The following PPP4C variants were observed in gnomAD, a reference collection of about 807,000 sequenced individuals.
The protein encoded by PPP4C is protein phosphatase 4 catalytic subunit, also known as serine/threonine-protein phosphatase 4 catalytic subunit.
A neutral mutation model predicts 40.5 loss-of-function variants in PPP4C; 10 were observed. That is an observed-to-expected ratio of 0.25 (90% CI 0.15 to 0.42). The LOEUF (loss-of-function observed/expected upper bound fraction) is 0.42, where lower values mean the gene tolerates loss of function less well. PPP4C is among the 10% of genes least tolerant of loss of function. The pLI, the probability that PPP4C is intolerant of heterozygous loss-of-function variation, is 1.00. For synonymous variants in PPP4C, 187 were observed against 163.6 expected, an observed-to-expected ratio of 1.14 and a Z score of -1.09; for missense variants, 191 against 416.4, an observed-to-expected ratio of 0.46 and a Z score of 4.71.
intron 2 of PPP4C, among the ~76,000 whole-genome samples, chr16:30,077,032 T>G (rs1436741893): frequency 6.6e-6 from 1 of 151,928 alleles, no homozygotes; most frequent in Non-Finnish European, 1.5e-5. Context: ...AAAGGTGGAG[T>G]TGGATCATTC....
At chr16:30,077,474 G>A (rs2072423850) in intron 2 of PPP4C, among the ~76,000 whole-genome samples, 1 of 152,148 alleles carries the variant, frequency 6.6e-6, no homozygotes, top group Admixed American at 6.5e-5. Flanking sequence ...GCTGATGGAG[G>A]CAGGGCCAGT....
Position 30,083,096 on chromosome 16 carries a change from G to A in PPP4C, c.303+249G>A, listed in dbSNP as rs1309697838. 3 of 591,186 alleles carry A rather than the reference G, an allele frequency of 5.1e-6. No individual in the cohort carries two copies. The highest frequency in any genetic ancestry group is 9.0e-6 in the Non-Finnish European group (3 of 333,952). The allele number at this position is 591,186 out of a possible 1,614,324, so 36.6% of individuals were successfully genotyped here. On this transcript the variant is annotated intron_variant, in intron 5 of 8. Coordinates refer to ENST00000279387, the MANE Select transcript of PPP4C (RefSeq NM_002720.3). This position sits in a 1 kb window ranked among gnomAD's most constrained non-coding sequence, Gnocchi z 6.3. ...GGTCATTGATGCCACTGGTGGGAGA[G>A]GCAGTGTGGGGCCAGATGACAAAGG...
At chr16:30,082,288 A>G (rs547891072) in intron 3 of PPP4C, among the ~76,000 whole-genome samples, 196 bp from the exon 4 acceptor site, 46 of 152,170 alleles carry the variant, frequency 3.0e-4, no homozygotes, top group Non-Finnish European at 5.9e-4. Context: ...TGCCTACAGA[A>G]TAGTTGGTAC....
At chr16:30,078,621 A>C (rs570085939) in intron 2 of PPP4C, among the ~76,000 whole-genome samples, 1 of 152,322 alleles carries the variant, frequency 6.6e-6, no homozygotes, top group South Asian at 2.1e-4. Context: ...GGTGGTGTCA[A>C]GAGCACCAGC....
rs971660625 is a variant in PPP4C at position 30,076,240 on chromosome 16, C to G, written c.-63-75C>G. ...GGAGGCGGGGGTGGGGGAGCCGGGC[C>G]GGCTCTAGAATCGAGTTGTCCGCTC... On this transcript the variant is annotated intron_variant, in intron 1 of 8. Coordinates refer to ENST00000279387, the MANE Select transcript of PPP4C (RefSeq NM_002720.3). The G allele has an allele frequency of 4.7e-6, 4 of 853,166 alleles. No homozygotes were observed. In the South Asian group the frequency reaches 6.7e-5, roughly 14 times the overall value. The allele number at this position is 853,166 out of a possible 1,614,324, so 52.8% of individuals were successfully genotyped here. A position where few individuals can be genotyped will look rare whatever the true frequency, so the allele number is the denominator to read the frequency against.
At chr16:30,082,875 A>T (rs1596838474) in intron 5 of PPP4C, 28 bp downstream of exon 5, 1 of 1,593,780 alleles carries the variant, frequency 6.3e-7, no homozygotes, top group Non-Finnish European at 8.6e-7. Flanking sequence ...CTGCACCCCC[A>T]ACCTGGGCGA....
chr16:30,084,620 G>T, intron 7 of PPP4C, 46 bp from the exon 8 acceptor site: 2 of 1,581,682 alleles, frequency 1.3e-6, no homozygotes, highest in South Asian at 2.2e-5. Flanking sequence ...CTGGCAGCCA[G>T]AGAAGCCTGA....
intron 1 of PPP4C, 38 bp from the exon 2 acceptor site, chr16:30,076,277 C>T: frequency 1.6e-6 from 2 of 1,216,738 alleles, no homozygotes; most frequent in East Asian, 2.5e-5. Context: ...GAGCCCCGGA[C>T]GGACACTGAT....
chr16:30,078,777 C>A (rs895241864), intron 2 of PPP4C, among the ~76,000 whole-genome samples: 3 of 152,234 alleles, frequency 2.0e-5, no homozygotes, highest in Non-Finnish European at 4.4e-5. Flanking sequence ...TGAATCTTTG[C>A]CTTGTCACCT....
chr16:30,082,707 A>G, intron 4 of PPP4C, 39 bp from the exon 5 acceptor site: 1 of 1,576,170 alleles, frequency 6.3e-7, no homozygotes, highest in Non-Finnish European at 8.7e-7. Flanking sequence ...GGGGTAGGGG[A>G]CTGTTTACGA....
At chr16:30,084,609 G>A (rs182271309) in intron 7 of PPP4C, 57 bp from the exon 8 acceptor site, 125 of 1,535,600 alleles carry the variant, frequency 8.1e-5, no homozygotes, top group East Asian at 7.0e-4. Context: ...AAGGGGCAGC[G>A]CTGGCAGCCA....
intron 7 of PPP4C, 72 bp from the exon 8 acceptor site, chr16:30,084,594 C>A: frequency 6.8e-7 from 1 of 1,461,078 alleles, no homozygotes; most frequent in African/African-American, 1.4e-5. Context: ...AGGCTGCTCA[C>A]CCTCAAGGGG....
In PPP4C at chr16:30,083,491, A is replaced by G; in HGVS notation, c.401A>G (p.Tyr134Cys). The change falls in exon 6 of 9, where the codon TAC becomes TGC. Residue 134 changes from tyrosine to cysteine, a missense_variant. Physicochemically the swap from Tyr to Cys is radical, Grantham distance 194 (BLOSUM62 -2). Coordinates refer to ENST00000279387, the MANE Select transcript of PPP4C (RefSeq NM_002720.3). This position sits in a 1 kb window ranked among gnomAD's most constrained non-coding sequence, Gnocchi z 6.3. The stretch of plus-strand genomic sequence containing the variant: ...TTCTACGATGAGTGCCTGCGCAAGT[A>G]CGGCTCGGTGACTGTGTGGCGCTAC... ...YGFYDECLRKYGSVTVWRYCT... is the reference protein window; with the variant it reads ...YGFYDECLRKCGSVTVWRYCT... 1 of 1,614,084 alleles carries G rather than the reference A, an allele frequency of 6.2e-7. No individual in the cohort carries two copies. Among genetic ancestry groups the G allele is most frequent in the Non-Finnish European group, 8.5e-7 (1 of 1,180,014 alleles).
intron 4 of PPP4C, 51 bp from the exon 5 acceptor site, chr16:30,082,695 A>G (rs1210521248): frequency 6.4e-7 from 1 of 1,558,690 alleles, no homozygotes; most frequent in Non-Finnish European, 8.8e-7. Context: ...AGAAACAGGT[A>G]GGGGGTAGGG....
rs1343963616 is a variant in PPP4C, at chr16:30,083,505, G to C, written c.415G>C (p.Val139Leu). The change falls in exon 6 of 9, where the codon GTG becomes CTG. Residue 139 changes from valine (V) to leucine (L), a missense_variant. Val to Leu is a conservative substitution (Grantham distance 32). This residue lies in a region of PPP4C where 171 missense variants were observed against 352.4 expected (regional missense o/e 0.49). Coordinates refer to ENST00000279387, the MANE Select transcript of PPP4C (RefSeq NM_002720.3). The surrounding 1 kb of genome is among the most constrained non-coding windows in gnomAD (Gnocchi z 6.3). ...CCTGCGCAAGTACGGCTCGGTGACTGTGTGGCGCTACTGCACTGAGATCTT... is the reference window on the plus strand; with the variant it reads ...CCTGCGCAAGTACGGCTCGGTGACTCTGTGGCGCTACTGCACTGAGATCTT... ...ECLRKYGSVTVWRYCTEIFDY... is the reference protein window; with the variant it reads ...ECLRKYGSVTLWRYCTEIFDY... 1 of 1,614,106 alleles carries C rather than the reference G, an allele frequency of 6.2e-7. No individual in the cohort carries two copies. Among genetic ancestry groups the C allele is most frequent in the African/African-American group, 1.3e-5 (1 of 75,052 alleles).
rs1230345062 is a variant in PPP4C, at chr16:30,083,684, C to T, written c.507C>T (p.Pro169=). 3.1e-6 allele frequency: 5 copies of T among 1,614,116 alleles called. No individual in the cohort carries two copies. In the African/African-American group the frequency reaches 4.0e-5, roughly 13 times the overall value. Residue 169 remains proline, a synonymous_variant, in exon 7 of 9, where the codon CCC becomes CCT. Coordinates refer to ENST00000279387, the MANE Select transcript of PPP4C (RefSeq NM_002720.3). The surrounding 1 kb of genome is among the most constrained non-coding windows in gnomAD (Gnocchi z 6.3). Reference sequence around the variant, plus strand: ...TCTGCGTGCACGGGGGCCTCTCCCCCTCCATCCAGACCCTGGATCAGATTC... The same window carrying T: ...TCTGCGTGCACGGGGGCCTCTCCCCTTCCATCCAGACCCTGGATCAGATTC... ...KIFCVHGGLS[P]SIQTLDQIRT...
Position 30,083,238 on chromosome 16 carries a change from G to A in PPP4C, c.304-156G>A, listed in dbSNP as rs934061950. 3.7e-6 allele frequency: 3 copies of A among 821,292 alleles called. No individual in the cohort carries two copies. Among genetic ancestry groups the A allele is most frequent in the Non-Finnish European group, 5.9e-6 (3 of 510,520 alleles). The allele number at this position is 821,292 out of a possible 1,614,324, so 50.9% of individuals were successfully genotyped here. ...TTCTCTGGAGGGGTCGTGTGGGCCT[G>A]GGAGGTGGCTGATGCCACACGATTC... On this transcript the variant is annotated intron_variant, in intron 5 of 8. Coordinates refer to ENST00000279387, the MANE Select transcript of PPP4C (RefSeq NM_002720.3). This position sits in a 1 kb window ranked among gnomAD's most constrained non-coding sequence, Gnocchi z 6.3.
chr16:30,083,860 G>A lies in PPP4C; in HGVS notation c.604+79G>A, dbSNP rs945190195. ...AGAGGGAGCAGGGCTGGTCTTCACT[G>A]TCACTCGTCCTCCACCTGCCAAATG... is the stretch of plus-strand genomic sequence containing the variant. On this transcript the variant is annotated intron_variant, in intron 7 of 8. Coordinates refer to ENST00000279387, the MANE Select transcript of PPP4C (RefSeq NM_002720.3). This position sits in a 1 kb window ranked among gnomAD's most constrained non-coding sequence, Gnocchi z 6.3. 4.7e-5 allele frequency: 74 copies of A among 1,575,634 alleles called. 1 individual carries two copies. The highest frequency in any genetic ancestry group is 6.3e-5 in the Non-Finnish European group (73 of 1,158,580).
chr16:30,082,733 T>C lies in PPP4C; in HGVS notation c.202-13T>C. On this transcript the variant is annotated splice_polypyrimidine_tract_variant and intron_variant, in intron 4 of 8. Transcript: ENST00000279387. ...CTGTTTACGACAGGGCAAAACTTTC[T>C]ACTTCCCCACAGGTAGGTGGCGACG... 2 of 1,611,090 alleles carry C rather than the reference T, an allele frequency of 1.2e-6. No homozygotes were observed. The highest frequency in any genetic ancestry group is 1.7e-6 in the Non-Finnish European group (2 of 1,177,816).
Sources: allele counts gnomAD v4.1 joint callset (sites outside exome capture counted in the v4.1 genomes callset), GRCh38; gene constraint gnomAD v4.1.1; regional missense constraint gnomAD v4.1.1; non-coding constraint Gnocchi (gnomAD v3.1); transcripts MANE v1.5; gene names NCBI Gene and HGNC (gene_info 2026-07-23, HGNC 2026-07-21).